The following FBN2 variants were observed in gnomAD, a reference collection of about 807,000 sequenced individuals.
The protein encoded by FBN2 is fibrillin-2.
FBN2 carries 105 observed loss-of-function variants against 355.6 expected under a neutral mutation model. That is an observed-to-expected ratio of 0.30 (90% CI 0.25 to 0.35). The LOEUF is 0.35. FBN2 is among the 10% of genes least tolerant of loss of function. The pLI is 1.00. For missense variants in FBN2, 3,280 were observed against 3,758.7 expected (o/e 0.87, Z 3.33); for synonymous variants, 1,350 against 1,301.2 (o/e 1.04, Z -0.81).
At chr5:128,498,533 G>A (rs951474483) in intron 5 of FBN2, among the ~76,000 whole-genome samples, 9 of 152,112 alleles carry the variant, frequency 5.9e-5, no homozygotes, top group Non-Finnish European at 8.8e-5. Flanking sequence ...TTTATCAAAC[G>A]ACTCTTCAGA....
intron 63 of FBN2, among the ~76,000 whole-genome samples, chr5:128,263,116 A>C (rs1262051900): frequency 1.3e-5 from 2 of 152,168 alleles, no homozygotes; most frequent in African/African-American, 4.8e-5. Context: ...TGTGAGCCGC[A>C]TTTTTAAGCA....
Position 128,312,726 on chromosome 5 carries a change from T to C in FBN2, c.4787A>G (p.Glu1596Gly). Residue 1596 changes from glutamate to glycine, a missense_variant, in exon 37 of 65, where the codon GAG becomes GGG. Coordinates refer to ENST00000262464, the MANE Select transcript of FBN2 (RefSeq NM_001999.4). ...RGDGSLSCNT[E>G]IGVGVSRSSC... ...AGAGCGACTGACGCCCACCCCGATCTCGGTGTTGCAAGACAGACTCCCATC... is the reference window on the plus strand; with the variant it reads ...AGAGCGACTGACGCCCACCCCGATCCCGGTGTTGCAAGACAGACTCCCATC... 1 of 1,614,000 alleles carries C rather than the reference T, an allele frequency of 6.2e-7. No individual in the cohort carries two copies. Among genetic ancestry groups the C allele is most frequent in the Non-Finnish European group, 8.5e-7 (1 of 1,179,996 alleles).
At chr5:128,314,295 T>A (rs1309880869) in intron 36 of FBN2, among the ~76,000 whole-genome samples, 1 of 152,132 alleles carries the variant, frequency 6.6e-6, no homozygotes, top group East Asian at 1.9e-4. Flanking sequence ...ATTCTCATGG[T>A]CCCCCTTCTA....
chr5:128,345,051 C>T (rs1751136019), intron 24 of FBN2, among the ~76,000 whole-genome samples: 2 of 152,162 alleles, frequency 1.3e-5, no homozygotes, highest in Admixed American at 6.5e-5. Flanking sequence ...TTTCTCACTA[C>T]TTGTTTTATA....
At position 128,396,328 on chromosome 5, in the gene FBN2, G is replaced by A. The variant is rs112486960; in HGVS notation, c.1079-1054C>T. Among the ~76,000 whole-genome samples the A allele has an allele frequency of 1.1e-3, 165 of 152,324 alleles. 1 individual carries two copies. Among genetic ancestry groups the A allele is most frequent in the African/African-American group, 3.9e-3 (164 of 41,582 alleles). The stretch of plus-strand genomic sequence containing the variant: ...AGCCTGGAATGCAGAAGCATAGTCA[G>A]GCTGAACATATATATCTGTGAATTG... On this transcript the variant is annotated intron_variant, in intron 8 of 64. Coordinates refer to ENST00000262464, the MANE Select transcript of FBN2 (RefSeq NM_001999.4).
intron 7 of FBN2, among the ~76,000 whole-genome samples, chr5:128,435,381 A>G (rs1233686738): frequency 6.6e-6 from 1 of 152,192 alleles, no homozygotes; most frequent in Non-Finnish European, 1.5e-5. Flanking sequence ...TAGCTTTTTA[A>G]AAGAATTTAT....
At chr5:128,315,410 C>T (rs1191849736) in intron 36 of FBN2, among the ~76,000 whole-genome samples, 1 of 152,122 alleles carries the variant, frequency 6.6e-6, no homozygotes, top group African/African-American at 2.4e-5. Flanking sequence ...GTTTCAAACA[C>T]ATCTCTAATA....
intron 6 of FBN2, among the ~76,000 whole-genome samples, chr5:128,453,995 C>CA (rs1277228629): frequency 6.6e-6 from 1 of 151,052 alleles, no homozygotes; most frequent in Non-Finnish European, 1.5e-5. Context: ...GGCTTGCCCC[C>CA]CCCCCAAGTT....
chr5:128,473,013 G>A (rs544967040), intron 5 of FBN2, among the ~76,000 whole-genome samples: 2 of 152,164 alleles, frequency 1.3e-5, no homozygotes, highest in Admixed American at 6.5e-5. Context: ...CATTGACCAC[G>A]CCCCTCGTGA....
intron 41 of FBN2, 31 bp from the exon 42 acceptor site, chr5:128,307,234 T>A: frequency 7.9e-7 from 1 of 1,258,974 alleles, no homozygotes. Context: ...AATGCACTCT[T>A]AAATTTCTCA....
rs538173918 is a variant in FBN2, at chr5:128,335,659, T to C, written c.3725-82A>G. The C allele has an allele frequency of 5.1e-4, 784 of 1,536,692 alleles. 8 individuals carry two copies. The South Asian group carries it at 5.6e-3, about 11-fold the overall frequency. The stretch of plus-strand genomic sequence containing the variant: ...CTTCTTTTTAAACAGATAATGCTAA[T>C]GTGGCTTTGAATTTTTCTCCCCACT... On this transcript the variant is annotated intron_variant, in intron 28 of 64. Transcript: ENST00000262464.
chr5:128,344,321 CTT>C, intron 25 of FBN2, 62 bp downstream of exon 25: 3 of 1,555,048 alleles, frequency 1.9e-6, no homozygotes, highest in Non-Finnish European at 2.7e-6. Context: ...TAGGGCAGTC[CTT>C]TCAAACAGAG....
rs1756368359 is a variant in FBN2, at chr5:128,519,337, T to C, written c.564A>G (p.Gly188=). ...PVCENGCQNG[G]RCIGPNRCAC... ...CACAGCGGTTGGGTCCGATGCAACG[T>C]CCACCATTCTGACATCCATTTTCAC... Residue 188 remains glycine, a synonymous_variant, in exon 5 of 65, where the codon GGA becomes GGG. Coordinates refer to ENST00000262464, the MANE Select transcript of FBN2 (RefSeq NM_001999.4). 2 of 1,613,862 alleles carry C rather than the reference T, an allele frequency of 1.2e-6. No individual in the cohort carries two copies. The highest frequency in any genetic ancestry group is 1.7e-5 in the Admixed American group (1 of 59,920).
chr5:128,275,480 C>T (rs1765370775), intron 59 of FBN2, among the ~76,000 whole-genome samples: 1 of 150,738 alleles, frequency 6.6e-6, no homozygotes, highest in Non-Finnish European at 1.5e-5. Context: ...AATAAAACCT[C>T]ATTTTACTGA....
Position 128,291,515 on chromosome 5 carries a change from AT to A in FBN2, c.6292+13del. 1 of 1,613,830 alleles carries A rather than the reference AT, an allele frequency of 6.2e-7. No homozygotes were observed. The highest frequency in any genetic ancestry group is 8.5e-7 in the Non-Finnish European group (1 of 1,179,770). On this transcript the variant is annotated intron_variant, in intron 49 of 64. Coordinates refer to ENST00000262464, the MANE Select transcript of FBN2 (RefSeq NM_001999.4). ...AAGCGTGAACTGTGACAGTGAAGTC[AT>A]GCCAAATCTTACCAAAGCATCTCCG... is the stretch of plus-strand genomic sequence containing the variant.
rs1022867782 is a variant in FBN2, at chr5:128,377,736, C to G, written c.1849+16G>C. On this transcript the variant is annotated intron_variant, in intron 13 of 64. Coordinates refer to ENST00000262464, the MANE Select transcript of FBN2 (RefSeq NM_001999.4). ...CCTTTTAAAATCTTTTGCAAGGGAG[C>G]AGGCAATTTCCATACCAACACAGTT... 1 of 1,612,840 alleles carries G rather than the reference C, an allele frequency of 6.2e-7. No individual in the cohort carries two copies. The highest frequency in any genetic ancestry group is 8.5e-7 in the Non-Finnish European group (1 of 1,179,250).
rs776371080 is a variant in FBN2, at chr5:128,537,605, G to T, written c.-2C>A. 6 of 1,606,538 alleles carry T rather than the reference G, an allele frequency of 3.7e-6. No homozygotes were observed. Among genetic ancestry groups the T allele is most frequent in the Non-Finnish European group, 4.2e-6 (5 of 1,178,140 alleles). On this transcript the variant is annotated 5_prime_UTR_variant, in exon 1 of 65. Transcript: ENST00000262464. ...ACACAGCCTCCGTCTTCTCCCCATC[G>T]CCGGCGCCGAAAGCGCGCGGCCGTA...
chr5:128,522,904 G>C (rs1038375103), intron 4 of FBN2, among the ~76,000 whole-genome samples: 7 of 152,172 alleles, frequency 4.6e-5, no homozygotes, highest in African/African-American at 1.7e-4. Context: ...AAAGGCAAGA[G>C]AGCAAAAGAT....
At chr5:128,433,676 T>C (rs1481207426) in intron 7 of FBN2, among the ~76,000 whole-genome samples, 1 of 152,198 alleles carries the variant, frequency 6.6e-6, no homozygotes, top group Non-Finnish European at 1.5e-5. Context: ...AAAATTTAAT[T>C]TGATAGCATA....
Sources: gnomAD v4.1 joint callset for allele counts (sites outside exome capture counted in the v4.1 genomes callset) on GRCh38, gnomAD v4.1.1 for gene constraint, MANE v1.5 for transcripts, NCBI Gene and HGNC (gene_info 2026-07-23, HGNC 2026-07-21) for gene names.